The following CD274 variants were observed in gnomAD, a reference collection of about 807,000 sequenced individuals.
CD274 encodes the protein programmed cell death 1 ligand 1.
A neutral mutation model predicts 30.1 loss-of-function variants in CD274; 8 were observed. The observed-to-expected ratio is 0.27, with a 90% confidence interval of 0.16 to 0.48. The LOEUF (loss-of-function observed/expected upper bound fraction) is 0.48. CD274 is among the 20% of genes least tolerant of loss of function. The pLI, the probability that CD274 is intolerant of heterozygous loss-of-function variation, is 0.99. For synonymous variants in CD274, 152 were observed against 124.6 expected (o/e 1.22, Z -1.46); for missense variants, 353 against 346.6 (o/e 1.02, Z -0.15).
intron 6 of CD274, 85 bp downstream of exon 6, chr9:5,466,914 A>T (rs1196327431): frequency 3.1e-6 from 3 of 966,922 alleles, no homozygotes; most frequent in Non-Finnish European, 4.8e-6. Context: ...CATCAGTCAT[A>T]ATCTCCTCTC....
intron 3 of CD274, among the ~76,000 whole-genome samples, chr9:5,460,865 A>G (rs751329676): frequency 6.6e-6 from 1 of 152,174 alleles, no homozygotes; most frequent in Non-Finnish European, 1.5e-5. Context: ...AATTATAAAA[A>G]TTTTACTTTC....
At position 5,457,167 on chromosome 9, in the gene CD274, A is replaced by G. The variant is rs201948302; in HGVS notation, c.141A>G (p.Gln47=). 1 of 1,614,038 alleles carries G rather than the reference A, an allele frequency of 6.2e-7. No homozygotes were observed. Among genetic ancestry groups the G allele is most frequent in the African/African-American group, 1.3e-5 (1 of 75,062 alleles). The change falls in exon 3 of 7, where the codon CAA becomes CAG. Residue 47 remains glutamine, a synonymous_variant. Transcript: ENST00000381577. ...AATGCAAATTCCCAGTAGAAAAACA[A>G]TTAGACCTGGCTGCACTAATTGTCT... ...TIECKFPVEK[Q]LDLAALIVYW...
In CD274 at chr9:5,469,384, C is replaced by T. The variant is rs1819549516; in HGVS notation, c.*1522C>T. On this transcript the variant is annotated 3_prime_UTR_variant, in exon 7 of 7. Transcript: ENST00000381577. Reference sequence around the variant, plus strand: ...GTTGGAAAATCTCCACTTCATCCTCCAAGCCATTCAAGTTTCCTTTCCAGA... The same window carrying T: ...GTTGGAAAATCTCCACTTCATCCTCTAAGCCATTCAAGTTTCCTTTCCAGA... 1 of 232,374 alleles carries T rather than the reference C, an allele frequency of 4.3e-6. No individual in the cohort carries two copies. The highest frequency in any genetic ancestry group is 5.6e-5 in the Admixed American group (1 of 17,752). The allele number at this position is 232,374 out of a possible 1,614,324, so 14.4% of individuals were successfully genotyped here.
In CD274 at chr9:5,470,269, A is replaced by C. The variant is rs1819567223; in HGVS notation, c.*2407A>C. Reference sequence around the variant, plus strand: ...TGTGACAGTGTTCTTTGTGTGAATTACAGGCAAGAATTGTGGCTGAGCAAG... The same window carrying C: ...TGTGACAGTGTTCTTTGTGTGAATTCCAGGCAAGAATTGTGGCTGAGCAAG... On this transcript the variant is annotated 3_prime_UTR_variant, in exon 7 of 7. Transcript: ENST00000381577. The C allele has an allele frequency of 4.3e-6, 1 of 232,548 alleles. No individual in the cohort carries two copies. The highest frequency in any genetic ancestry group is 8.5e-6 in the Non-Finnish European group (1 of 117,674). The allele number at this position is 232,548 out of a possible 1,614,324, so 14.4% of individuals were successfully genotyped here. A position where few individuals can be genotyped will look rare whatever the true frequency, so the allele number is the denominator to read the frequency against.
intron 3 of CD274, among the ~76,000 whole-genome samples, chr9:5,458,984 TA>T (rs999307821): frequency 2.6e-5 from 4 of 152,196 alleles, no homozygotes; most frequent in African/African-American, 9.6e-5. Context: ...GCATAAAGTA[TA>T]AGTTTCTGCT....
intron 6 of CD274, 55 bp from the exon 7 acceptor site, chr9:5,467,785 T>C (rs981815102): frequency 2.2e-6 from 3 of 1,384,418 alleles, no homozygotes; most frequent in Non-Finnish European, 2.1e-6. Context: ...GATTTCTTGT[T>C]ACTTTTTCCC....
chr9:5,458,977 T>A (rs572675230), intron 3 of CD274, among the ~76,000 whole-genome samples: 2 of 152,282 alleles, frequency 1.3e-5, no homozygotes, highest in East Asian at 3.9e-4. Context: ...GAAGGCAGCA[T>A]AAAGTATAAG....
chr9:5,456,701 T>C (rs575840893), intron 2 of CD274, among the ~76,000 whole-genome samples: 1 of 152,370 alleles, frequency 6.6e-6, no homozygotes, highest in African/African-American at 2.4e-5. Flanking sequence ...TGTTAGAATC[T>C]ACCATTCCCT....
chr9:5,467,715 T>G, intron 6 of CD274, 125 bp from the exon 7 acceptor site: 1 of 844,258 alleles, frequency 1.2e-6, no homozygotes, highest in Non-Finnish European at 2.0e-6. Context: ...ACCTGCTGCT[T>G]TCTCTCATTT....
Position 5,468,128 on chromosome 9 carries a change from G to T in CD274, c.*266G>T, listed in dbSNP as rs1819527947. On this transcript the variant is annotated 3_prime_UTR_variant, in exon 7 of 7. Coordinates refer to ENST00000381577, the MANE Select transcript of CD274 (RefSeq NM_014143.4). ...ATCGACGCCTGTGACAGGGAGAAAG[G>T]ATACTTCTGAACAAGGAGCCTCCAA... 2 of 495,492 alleles carry T rather than the reference G, an allele frequency of 4.0e-6. No individual in the cohort carries two copies. Among genetic ancestry groups the T allele is most frequent in the Non-Finnish European group, 7.2e-6 (2 of 277,500 alleles). 30.7% of individuals were successfully genotyped at this position (495,492 alleles called of 1,614,324 possible).
chr9:5,454,833 A>G (rs1819271777), intron 1 of CD274, among the ~76,000 whole-genome samples: 1 of 152,156 alleles, frequency 6.6e-6, no homozygotes, highest in African/African-American at 2.4e-5. Flanking sequence ...AATATTTACA[A>G]TTGTGGTCAA....
chr9:5,462,993 A>G lies in CD274; in HGVS notation c.554A>G (p.Lys185Arg), dbSNP rs748426885. ...GGTAAGACCACCACCACCAATTCCAAGAGAGAGGAGAAGCTTTTCAATGTG... is the reference window on the plus strand; with the variant it reads ...GGTAAGACCACCACCACCAATTCCAGGAGAGAGGAGAAGCTTTTCAATGTG... ...LSGKTTTTNSKREEKLFNVTS... is the reference protein window; with the variant it reads ...LSGKTTTTNSRREEKLFNVTS... The change falls in exon 4 of 7, where the codon AAG becomes AGG. Residue 185 changes from lysine (K) to arginine (R), a missense_variant. By Grantham distance (26) the Lys-to-Arg change is conservative. Transcript: ENST00000381577. 1.7e-5 allele frequency: 28 copies of G among 1,614,090 alleles called. No homozygotes were observed. The highest frequency in any genetic ancestry group is 2.4e-5 in the Non-Finnish European group (28 of 1,179,944).
chr9:5,450,558 C>T lies in CD274; in HGVS notation c.-53C>T, dbSNP rs1474991256. 1 of 152,322 alleles carries T rather than the reference C, an allele frequency of 6.6e-6. No individual in the cohort carries two copies. The highest frequency in any genetic ancestry group is 1.5e-5 in the Non-Finnish European group (1 of 68,100). The allele number at this position is 152,322 out of a possible 1,614,324, so 9.4% of individuals were successfully genotyped here. On this transcript the variant is annotated 5_prime_UTR_variant, in exon 1 of 7. Coordinates refer to ENST00000381577, the MANE Select transcript of CD274 (RefSeq NM_014143.4). ...CGCGGCCCCAGTTCTGCGCAGCTTC[C>T]CGAGGCTCCGCACCAGCCGCGCTTC...
intron 6 of CD274, among the ~76,000 whole-genome samples, chr9:5,467,326 C>T (rs547998605): frequency 6.6e-6 from 1 of 152,144 alleles, no homozygotes; most frequent in Admixed American, 6.5e-5. Flanking sequence ...AAAAATCAAG[C>T]TTGGGGGCCA....
At chr9:5,466,713 C>G (rs2131232637) in intron 5 of CD274, 57 bp from the exon 6 acceptor site, 1 of 1,297,652 alleles carries the variant, frequency 7.7e-7, no homozygotes, top group Admixed American at 1.9e-5. Flanking sequence ...ACTTGGGTCA[C>G]TGTATGGGAT....
chr9:5,459,212 A>G (rs1054497730), intron 3 of CD274, among the ~76,000 whole-genome samples: 5 of 152,222 alleles, frequency 3.3e-5, no homozygotes, highest in Admixed American at 6.5e-5. Context: ...ATGACCAACC[A>G]GGTTTGAGGA....
Position 5,452,026 on chromosome 9 carries a change from C to CTTT in CD274, c.-15+1445_-15+1447dup, listed in dbSNP as rs71326169. 6.3e-3 allele frequency among the ~76,000 whole-genome samples: 802 copies of CTTT among 126,408 alleles called. 17 individuals carry two copies. Among genetic ancestry groups the CTTT allele is most frequent in the South Asian group, 9.4e-3 (37 of 3,938 alleles). The allele number at this position is 126,408 out of a possible 152,430, so 82.9% of individuals were successfully genotyped here. ...AGGAAGTTTAACCGGTTTTTTTTGT[C>CTTT]TTTTTTTTTTTTTTTTTGAGACAGA... On this transcript the variant is annotated intron_variant, in intron 1 of 6. Transcript: ENST00000381577.
intron 4 of CD274, among the ~76,000 whole-genome samples, chr9:5,464,104 G>A (rs1266224510): frequency 6.6e-6 from 1 of 152,206 alleles, no homozygotes; most frequent in Non-Finnish European, 1.5e-5. Context: ...CCAGGACGGT[G>A]TTGTGAACAG....
chr9:5,453,404 A>T lies in CD274; in HGVS notation c.-14-2696A>T, dbSNP rs138990350. On this transcript the variant is annotated intron_variant, in intron 1 of 6. Coordinates refer to ENST00000381577, the MANE Select transcript of CD274 (RefSeq NM_014143.4). ...CAATTATCAACATGTGTTGAGAACC[A>T]GAAAAATGTTCTTTTTCTTTGATCA... is the stretch of plus-strand genomic sequence containing the variant. Among the ~76,000 whole-genome samples, 349 of 152,358 alleles carry T rather than the reference A, an allele frequency of 2.3e-3. 1 individual carries two copies. Among genetic ancestry groups the T allele is most frequent in the African/African-American group, 8.2e-3 (340 of 41,586 alleles).
Sources: allele counts gnomAD v4.1 joint callset (sites outside exome capture counted in the v4.1 genomes callset), GRCh38; gene constraint gnomAD v4.1.1; transcripts MANE v1.5; gene names NCBI Gene and HGNC (gene_info 2026-07-23, HGNC 2026-07-21).